The following ANKRD42 variants were observed in gnomAD, a reference collection of about 807,000 sequenced individuals.
ANKRD42 encodes ankyrin repeat domain 42.
Under a neutral mutation model 51.5 loss-of-function variants are expected in ANKRD42, and 43 were observed. The ratio of observed to expected loss-of-function variants is 0.83; its 90% CI spans 0.65 to 1.08. ANKRD42 has a LOEUF of 1.08. ANKRD42 is among the 50% of genes least tolerant of loss of function. The pLI is 0.00. For synonymous variants in ANKRD42, 203 were observed against 213.0 expected, an observed-to-expected ratio of 0.95 and a Z score of 0.41; for missense variants, 608 against 629.3, an observed-to-expected ratio of 0.97 and a Z score of 0.36.
chr11:83,263,748 G>A (rs989590021), downstream of ANKRD42, among the ~76,000 whole-genome samples: 1 of 152,166 alleles, frequency 6.6e-6, no homozygotes, highest in Admixed American at 6.5e-5. Flanking sequence ...GAGTCTAGGT[G>A]GTAATGTTTC....
At chr11:83,206,596 A>C (rs1862084377) in intron 3 of ANKRD42, among the ~76,000 whole-genome samples, 1 of 152,192 alleles carries the variant, frequency 6.6e-6, no homozygotes, top group South Asian at 2.1e-4. Context: ...GACCTCAGAG[A>C]GCTAGCTCTC....
chr11:83,257,170 C>T (rs1565201976), downstream of ANKRD42: 2 of 356,874 alleles, frequency 5.6e-6, no homozygotes, highest in South Asian at 2.1e-5. Context: ...GCACTCTTGT[C>T]AGGGCAAACT....
chr11:83,249,414 G>A (rs992517206), downstream of ANKRD42, among the ~76,000 whole-genome samples: 3 of 152,058 alleles, frequency 2.0e-5, no homozygotes, highest in Non-Finnish European at 4.4e-5. Context: ...TTGTAAGGAC[G>A]GGATCTTGCT....
intron 2 of ANKRD42, among the ~76,000 whole-genome samples, chr11:83,200,019 T>C (rs927920744): frequency 3.3e-5 from 5 of 152,168 alleles, no homozygotes; most frequent in African/African-American, 1.2e-4. Context: ...GGTTTTTTAA[T>C]CTGTTTGTAG....
intron 7 of ANKRD42, among the ~76,000 whole-genome samples, chr11:83,232,795 GTT>G (rs1244652435): frequency 1.3e-5 from 2 of 152,130 alleles, no homozygotes; most frequent in Non-Finnish European, 2.9e-5. Context: ...AAGAAGAGAT[GTT>G]GAATTTTGTC....
intron 5 of ANKRD42, among the ~76,000 whole-genome samples, chr11:83,217,848 C>T (rs982629084): frequency 1.3e-5 from 2 of 152,208 alleles, no homozygotes; most frequent in Admixed American, 1.3e-4. Flanking sequence ...TTTTGGTTCC[C>T]TCTGAGCCAC....
intron 6 of ANKRD42, among the ~76,000 whole-genome samples, chr11:83,225,970 G>GT (rs1862869983): frequency 6.6e-6 from 1 of 151,902 alleles, no homozygotes; most frequent in Non-Finnish European, 1.5e-5. Context: ...TCCCAGGCTG[G>GT]TCTCAAACTC....
chr11:83,227,932 A>ATTTT, intron 7 of ANKRD42, 60 bp downstream of exon 7: 1 of 1,524,756 alleles, frequency 6.6e-7, no homozygotes, highest in South Asian at 1.3e-5. Context: ...TTCATCTTTT[A>ATTTT]AAGTAATTAT....
intron 6 of ANKRD42, among the ~76,000 whole-genome samples, chr11:83,226,416 G>A (rs1256710324): frequency 2.6e-5 from 4 of 152,154 alleles, no homozygotes; most frequent in Non-Finnish European, 5.9e-5. Context: ...AGATCTTCTT[G>A]ATACTTGGTT....
chr11:83,198,287 G>T (rs182762065), intron 1 of ANKRD42, among the ~76,000 whole-genome samples, 192 bp from the exon 2 acceptor site: 1 of 152,308 alleles, frequency 6.6e-6, no homozygotes, highest in East Asian at 1.9e-4. Flanking sequence ...GGATGGGAGT[G>T]TCAACTTCCA....
At position 83,224,894 on chromosome 11, in the gene ANKRD42, A is replaced by G; in HGVS notation, c.626A>G (p.Lys209Arg). The stretch of plus-strand genomic sequence containing the variant: ...ATGGAAGGCCACCTTCACTGTTTCA[A>G]ATTCCTAGTCAGTAGAATGAGCAGT... ...AAMEGHLHCFKFLVSRMSSAT... is the reference protein window; with the variant it reads ...AAMEGHLHCFRFLVSRMSSAT... The change falls in exon 6 of 11, where the codon AAA becomes AGA. Residue 209 changes from lysine to arginine, a missense_variant. Lys to Arg is a conservative substitution (Grantham distance 26). Transcript: ENST00000533342. The G allele has an allele frequency of 1.2e-6, 2 of 1,606,896 alleles. No homozygotes were observed. Among genetic ancestry groups the G allele is most frequent in the Non-Finnish European group, 1.7e-6 (2 of 1,175,446 alleles).
At chr11:83,208,487 A>T (rs889665420) in intron 3 of ANKRD42, among the ~76,000 whole-genome samples, 3 of 152,184 alleles carry the variant, frequency 2.0e-5, no homozygotes, top group African/African-American at 7.2e-5. Context: ...TTATTCTAGC[A>T]AAGTGTGTCC....
downstream of ANKRD42, among the ~76,000 whole-genome samples, chr11:83,257,836 G>A (rs1277356574): frequency 6.6e-6 from 1 of 152,216 alleles, no homozygotes; most frequent in African/African-American, 2.4e-5. Context: ...TACACACCCT[G>A]TGGCAGAGGT....
At chr11:83,240,695 G>A in intron 8 of ANKRD42, 64 bp from the exon 9 acceptor site, 1 of 1,569,580 alleles carries the variant, frequency 6.4e-7, no homozygotes. Flanking sequence ...TAAGTTAAGT[G>A]CAAGCTGCAG....
chr11:83,210,156 G>T, intron 3 of ANKRD42, 144 bp from the exon 4 acceptor site: 1 of 690,104 alleles, frequency 1.4e-6, no homozygotes, highest in Non-Finnish European at 2.2e-6. Flanking sequence ...AATTTCTTAT[G>T]TTTTGCCTGT....
At chr11:83,214,448 T>TA (rs1388591428) in intron 5 of ANKRD42, 2 of 982,068 alleles carry the variant, frequency 2.0e-6, no homozygotes, top group Non-Finnish European at 2.4e-6. Context: ...GTCTGGTCAT[T>TA]AAAAAATCCA....
rs567869780 is a variant in ANKRD42 at position 83,242,369 on chromosome 11, A to G, written c.1195+1435A>G. 9.2e-5 allele frequency among the ~76,000 whole-genome samples: 14 copies of G among 152,176 alleles called. No homozygotes were observed. The South Asian group carries it at 2.3e-3, about 25-fold the overall frequency. Reference sequence around the variant, plus strand: ...GGAAATCAGTTAGGGGGCTATCGCTATAGTTCAGGAGAGAGTTGTTTATGG... The same window carrying G: ...GGAAATCAGTTAGGGGGCTATCGCTGTAGTTCAGGAGAGAGTTGTTTATGG... On this transcript the variant is annotated intron_variant, in intron 9 of 10. Coordinates refer to ENST00000533342, the MANE Select transcript of ANKRD42 (RefSeq NM_001300975.2).
intron 9 of ANKRD42, among the ~76,000 whole-genome samples, chr11:83,244,692 G>A (rs1291693817): frequency 6.6e-6 from 1 of 152,160 alleles, no homozygotes; most frequent in Non-Finnish European, 1.5e-5. Context: ...CATAAAGGAT[G>A]GAGAATTCAT....
At chr11:83,243,855 G>A (rs1034061341) in intron 9 of ANKRD42, among the ~76,000 whole-genome samples, 1 of 151,534 alleles carries the variant, frequency 6.6e-6, no homozygotes, top group African/African-American at 2.4e-5. Context: ...TAGTAGAGAC[G>A]GGGTTTCACC....
Sources: allele counts gnomAD v4.1 joint callset (sites outside exome capture counted in the v4.1 genomes callset), GRCh38; gene constraint gnomAD v4.1.1; transcripts MANE v1.5; gene names NCBI Gene and HGNC (gene_info 2026-07-23, HGNC 2026-07-21).